TENT4B: variants seen among roughly 807,000 people sequenced by gnomAD.
TENT4B encodes the protein PAP associated domain containing 5.
TENT4B carries 10 observed loss-of-function variants against 75.0 expected under a neutral mutation model. The observed-to-expected ratio is 0.13, with a 90% confidence interval of 0.08 to 0.23. TENT4B has a LOEUF of 0.23. TENT4B is among the 10% of genes least tolerant of loss of function. TENT4B has a pLI of 1.00. For missense variants in TENT4B, 579 were observed against 893.8 expected (o/e 0.65, Z 4.49); for synonymous variants, 350 against 357.7 (o/e 0.98, Z 0.24).
Position 50,153,462 on chromosome 16 carries a change from C to G in TENT4B, c.-160C>G, listed in dbSNP as rs1322981712. 1 of 965,138 alleles carries G rather than the reference C, an allele frequency of 1.0e-6. No individual in the cohort carries two copies. The highest frequency in any genetic ancestry group is 1.2e-6 in the Non-Finnish European group (1 of 814,494). The allele number at this position is 965,138 out of a possible 1,614,324, so 59.8% of individuals were successfully genotyped here. A position where few individuals can be genotyped will look rare whatever the true frequency, so the allele number is the denominator to read the frequency against. ...GCCGGCGCCGGCCGGGCTCCCTGCG[C>G]GACCGCGCCGCCCGCGGCGGGCCCC... On this transcript the variant is annotated 5_prime_UTR_variant, in exon 1 of 12. Coordinates refer to ENST00000561678, the MANE Select transcript of TENT4B (RefSeq NM_001365324.3).
At chr16:50,163,686 A>T (rs889228638) in intron 1 of TENT4B, among the ~76,000 whole-genome samples, 40 of 151,290 alleles carry the variant, frequency 2.6e-4, no homozygotes, top group Admixed American at 1.2e-3. Flanking sequence ...GGCATGAGCC[A>T]CCGCGCCCGG....
In TENT4B at chr16:50,223,481, G is replaced by A. The variant is rs74017332; in HGVS notation, c.1381+94G>A. 3.3e-3 allele frequency: 2,583 copies of A among 775,682 alleles called. 50 individuals are homozygous for A. The African/African-American group carries it at 0.041, about 12-fold the overall frequency. The allele number at this position is 775,682 out of a possible 1,614,324, so 48.0% of individuals were successfully genotyped here. On this transcript the variant is annotated intron_variant, in intron 7 of 11. Transcript: ENST00000561678. ...AATTCTCTTTAGATGAAAAATGAAG[G>A]AACAACTTCTAATTGTTATTCTTTT...
intron 1 of TENT4B, among the ~76,000 whole-genome samples, chr16:50,154,587 A>G (rs2037853571): frequency 7.2e-6 from 1 of 139,278 alleles, no homozygotes; most frequent in South Asian, 2.3e-4. Context: ...AAACACATCT[A>G]CCCTTGACCA....
intron 1 of TENT4B, among the ~76,000 whole-genome samples, chr16:50,182,620 T>C (rs568793926): frequency 6.6e-6 from 1 of 152,186 alleles, no homozygotes; most frequent in African/African-American, 2.4e-5. Flanking sequence ...TTTTTGTAAA[T>C]ACACTTTCCT....
chr16:50,165,040 C>T (rs968811264), intron 1 of TENT4B, among the ~76,000 whole-genome samples: 4 of 145,730 alleles, frequency 2.7e-5, no homozygotes, highest in Admixed American at 7.2e-5. Context: ...GGTGACAGAG[C>T]GAGACCTCGT....
intron 1 of TENT4B, among the ~76,000 whole-genome samples, chr16:50,197,288 T>G (rs146915845): frequency 2.2e-4 from 34 of 152,234 alleles, no homozygotes; most frequent in African/African-American, 8.2e-4. Flanking sequence ...TTAGCCAAAT[T>G]AAATTTAAGT....
chr16:50,201,852 G>A (rs532818538), intron 1 of TENT4B, among the ~76,000 whole-genome samples: 4 of 149,608 alleles, frequency 2.7e-5, no homozygotes, highest in South Asian at 2.1e-4. Context: ...AAAAAAAAGC[G>A]GGCTGGATAC....
intron 1 of TENT4B, among the ~76,000 whole-genome samples, chr16:50,210,541 C>A (rs1241857155): frequency 2.0e-5 from 3 of 152,250 alleles, no homozygotes; most frequent in Non-Finnish European, 4.4e-5. Context: ...CTTTTCCCTG[C>A]ATCCAGTCTA....
chr16:50,223,438 T>C, intron 7 of TENT4B, 51 bp downstream of exon 7: 1 of 1,247,044 alleles, frequency 8.0e-7, no homozygotes, highest in Non-Finnish European at 1.1e-6. Flanking sequence ...GCACTGTCAG[T>C]CACCTTATTA....
intron 1 of TENT4B, among the ~76,000 whole-genome samples, chr16:50,206,430 T>A (rs1173453702): frequency 6.6e-6 from 1 of 151,270 alleles, no homozygotes; most frequent in South Asian, 2.1e-4. Flanking sequence ...GATGTCCTGT[T>A]ATTGACAGTT....
At chr16:50,199,569 C>A (rs972904447) in intron 1 of TENT4B, among the ~76,000 whole-genome samples, 1 of 152,208 alleles carries the variant, frequency 6.6e-6, no homozygotes, top group Non-Finnish European at 1.5e-5. Flanking sequence ...GATCTGTTTA[C>A]TGTCTCCATA....
At chr16:50,155,209 C>T (rs1364634350) in intron 1 of TENT4B, among the ~76,000 whole-genome samples, 1 of 149,838 alleles carries the variant, frequency 6.7e-6, no homozygotes, top group Non-Finnish European at 1.5e-5. Flanking sequence ...CAGAAGAGTC[C>T]CTGTGCTGGA....
Position 50,207,069 on chromosome 16 carries a change from T to C in TENT4B, c.639-4254T>C, listed in dbSNP as rs1042457538. 2.5e-4 allele frequency among the ~76,000 whole-genome samples: 36 copies of C among 141,404 alleles called. 1 individual carries two copies. Among genetic ancestry groups the C allele is most frequent in the African/African-American group, 9.6e-4 (36 of 37,584 alleles). The allele number at this position is 141,404 out of a possible 152,430, so 92.8% of individuals were successfully genotyped here. On this transcript the variant is annotated intron_variant, in intron 1 of 11. Coordinates refer to ENST00000561678, the MANE Select transcript of TENT4B (RefSeq NM_001365324.3). The stretch of plus-strand genomic sequence containing the variant: ...TTAATTTTGTTTCTCTTGCTCTCTC[T>C]TTTTTTTTTTTTGGCATCCTTTCCC...
At chr16:50,195,513 C>T (rs559954098) in intron 1 of TENT4B, among the ~76,000 whole-genome samples, 1 of 152,278 alleles carries the variant, frequency 6.6e-6, no homozygotes, top group African/African-American at 2.4e-5. Flanking sequence ...CAGATTTAGA[C>T]CCCAAGCTAC....
At chr16:50,198,088 A>C (rs565958982) in intron 1 of TENT4B, among the ~76,000 whole-genome samples, 20 of 150,072 alleles carry the variant, frequency 1.3e-4, no homozygotes, top group Non-Finnish European at 2.7e-4. Flanking sequence ...CACAAAAGTC[A>C]GTATCTGTAA....
At position 50,231,717 on chromosome 16, in the gene TENT4B, T is replaced by C; in HGVS notation, c.*2389T>C. The C allele has an allele frequency of 4.1e-6, 4 of 985,824 alleles. No homozygotes were observed. The highest frequency in any genetic ancestry group is 4.8e-6 in the Non-Finnish European group (4 of 829,884). The allele number at this position is 985,824 out of a possible 1,614,324, so 61.1% of individuals were successfully genotyped here. A position where few individuals can be genotyped will look rare whatever the true frequency, so the allele number is the denominator to read the frequency against. ...AGCATGAAGGAGAAATTGAGGTGTG[T>C]ATACATTTCCTCAAATGACCAGCAT... is the stretch of plus-strand genomic sequence containing the variant. On this transcript the variant is annotated 3_prime_UTR_variant, in exon 12 of 12. Transcript: ENST00000561678.
intron 1 of TENT4B, among the ~76,000 whole-genome samples, chr16:50,198,433 A>T (rs911897657): frequency 6.8e-6 from 1 of 146,844 alleles, no homozygotes; most frequent in South Asian, 2.1e-4. Context: ...AAAAAAAAAA[A>T]GAAGAAAAGG....
At chr16:50,154,501 C>T (rs1253051610) in intron 1 of TENT4B, among the ~76,000 whole-genome samples, 1 of 151,874 alleles carries the variant, frequency 6.6e-6, no homozygotes, top group Non-Finnish European at 1.5e-5. Flanking sequence ...CACCTTCCTC[C>T]CCTCCCTCTT....
In TENT4B at chr16:50,153,501, A is replaced by AGCAGCAGCG. The variant is rs1202739270; in HGVS notation, c.-103_-95dup. The AGCAGCAGCG allele has an allele frequency of 1.0e-6, 1 of 972,822 alleles. No homozygotes were observed. Among genetic ancestry groups the AGCAGCAGCG allele is most frequent in the Non-Finnish European group, 1.2e-6 (1 of 822,084 alleles). 60.3% of individuals were successfully genotyped at this position (972,822 alleles called of 1,614,324 possible). A position where few individuals can be genotyped will look rare whatever the true frequency, so the allele number is the denominator to read the frequency against. On this transcript the variant is annotated 5_prime_UTR_variant, in exon 1 of 12. Transcript: ENST00000561678. ...GCGGCGGGCCCCGAGCAGCAGCAGC[A>AGCAGCAGCG]GCAGCAGCGGCAGCAGCGGCAGCAG...
Sources: allele counts gnomAD v4.1 joint callset (sites outside exome capture counted in the v4.1 genomes callset), GRCh38; gene constraint gnomAD v4.1.1; transcripts MANE v1.5; gene names NCBI Gene and HGNC (gene_info 2026-07-23, HGNC 2026-07-21).